The following MIIP variants were observed in gnomAD, a reference collection of about 807,000 sequenced individuals.
The protein encoded by MIIP is migration and invasion-inhibitory protein.
Under a neutral mutation model 44.8 loss-of-function variants are expected in MIIP, and 44 were observed. The observed-to-expected ratio is 0.98, with a 90% CI of 0.77 to 1.26. The LOEUF is 1.26. MIIP is among the 50% of genes most tolerant of loss of function. The pLI is 0.00. For synonymous variants in MIIP, 225 were observed against 218.3 expected, an observed-to-expected ratio of 1.03 and a Z score of -0.27; for missense variants, 496 against 511.7, an observed-to-expected ratio of 0.97 and a Z score of 0.30.
Position 12,022,868 on chromosome 1 carries a change from TA to T in MIIP, c.500del (p.Lys167ArgfsTer117). On this transcript the variant is annotated frameshift_variant, in exon 4 of 10. Transcript: ENST00000235332. LOFTEE classifies it high-confidence loss of function. ...CCTTCTCTGAGGAGTCTGCAGTTCC[TA>T]AGAGGAGCTGGCGCCTCAGGCCATA... ...VTFSEESAVPKRSWRLRPYLG... is the reference protein window; with the variant it reads ...VTFSEESAVPXRSWRLRPYLG... 6.2e-7 allele frequency: 1 copy of T among 1,610,038 alleles called. No homozygotes were observed. The highest frequency in any genetic ancestry group is 8.5e-7 in the Non-Finnish European group (1 of 1,177,952).
intron 4 of MIIP, among the ~76,000 whole-genome samples, chr1:12,026,615 C>G (rs918698149): frequency 1.3e-5 from 2 of 152,208 alleles, no homozygotes; most frequent in South Asian, 2.1e-4. Flanking sequence ...CTCATCCTGC[C>G]CCTTAGCATG....
intron 6 of MIIP, 91 bp from the exon 7 acceptor site, chr1:12,029,674 T>A: frequency 6.6e-7 from 1 of 1,515,578 alleles, no homozygotes; most frequent in Non-Finnish European, 8.9e-7. Flanking sequence ...ATTGGCAGCT[T>A]GTGTGGTTGG....
intron 1 of MIIP, 56 bp downstream of exon 1, chr1:12,019,608 A>C (rs1639926359): frequency 6.6e-6 from 1 of 152,338 alleles, no homozygotes; most frequent in Non-Finnish European, 1.5e-5. Context: ...AGGAGGCCCC[A>C]CGTGCATTCC....
chr1:12,028,869 T>C, intron 4 of MIIP, 164 bp from the exon 5 acceptor site: 1 of 612,372 alleles, frequency 1.6e-6, no homozygotes, highest in Non-Finnish European at 2.9e-6. Flanking sequence ...CAACCAACAG[T>C]CCCAGTGACT....
In MIIP at chr1:12,024,349, A is replaced by G. The variant is rs576794300; in HGVS notation, c.547+1432A>G. Among the ~76,000 whole-genome samples the G allele has an allele frequency of 1.8e-4, 28 of 152,274 alleles. 1 individual carries two copies. The highest frequency in any genetic ancestry group is 6.3e-4 in the African/African-American group (26 of 41,542). On this transcript the variant is annotated intron_variant, in intron 4 of 9. Transcript: ENST00000235332. ...CTTCTGGCTGGTTTCCCCCTGGCCTATGTCCCATTGCTGTCCTTTGCATGT... is the reference window on the plus strand; with the variant it reads ...CTTCTGGCTGGTTTCCCCCTGGCCTGTGTCCCATTGCTGTCCTTTGCATGT...
chr1:12,022,329 C>T lies in MIIP; in HGVS notation c.349C>T (p.Leu117=). The T allele has an allele frequency of 6.2e-7, 1 of 1,613,904 alleles. No individual in the cohort carries two copies. Among genetic ancestry groups the T allele is most frequent in the Non-Finnish European group, 8.5e-7 (1 of 1,180,018 alleles). ...ACCGAGACCCCACTCAGCACCCTCG[C>T]TGGGCACCTCAAGCCTGAGGGACCC... The part of the protein sequence containing the change: ...GRPRPHSAPS[L]GTSSLRDPEP... Residue 117 remains leucine (L), a synonymous_variant, in exon 3 of 10, where the codon CTG becomes TTG. Transcript: ENST00000235332.
chr1:12,023,275 G>A (rs1485235763), intron 4 of MIIP, among the ~76,000 whole-genome samples: 2 of 151,228 alleles, frequency 1.3e-5, no homozygotes, highest in Non-Finnish European at 2.9e-5. Context: ...TATTGGCCAG[G>A]CTGGTCTCAA....
Position 12,029,218 on chromosome 1 carries a change from C to T in MIIP, c.657-5C>T. On this transcript the variant is annotated splice_polypyrimidine_tract_variant and splice_region_variant and intron_variant, in intron 5 of 9. Transcript: ENST00000235332. ...CCGGCCTGCTCATCCCCCTCGCCCT[C>T]TCAGACCCCAGTTGCCAGGCCTGCG... is the stretch of plus-strand genomic sequence containing the variant. 2 of 1,613,708 alleles carry T rather than the reference C, an allele frequency of 1.2e-6. No homozygotes were observed. Among genetic ancestry groups the T allele is most frequent in the Non-Finnish European group, 1.7e-6 (2 of 1,179,870 alleles).
intron 4 of MIIP, chr1:12,024,098 C>G (rs1200870442): frequency 6.6e-6 from 1 of 152,108 alleles, no homozygotes; most frequent in African/African-American, 2.4e-5. Context: ...TATACAATTG[C>G]GATAACTCAC....
At chr1:12,030,350 C>T (rs1640212579) in intron 8 of MIIP, among the ~76,000 whole-genome samples, 1 of 152,076 alleles carries the variant, frequency 6.6e-6, no homozygotes, top group Non-Finnish European at 1.5e-5. Context: ...TGCAGGCTGG[C>T]ATGACATGAA....
In MIIP at chr1:12,031,412, CAGATCGCATCCT is replaced by C; in HGVS notation, c.1080+12_1080+23del. The C allele has an allele frequency of 6.2e-7, 1 of 1,610,692 alleles. No homozygotes were observed. The highest frequency in any genetic ancestry group is 8.5e-7 in the Non-Finnish European group (1 of 1,178,046). The stretch of plus-strand genomic sequence containing the variant: ...GCAGCCCTTTTCACCCGGTACGGTC[CAGATCGCATCCT>C]AGCCTGGGGTGCCCCCTAGAGGGAC... On this transcript the variant is annotated intron_variant, in intron 9 of 9. Coordinates refer to ENST00000235332, the MANE Select transcript of MIIP (RefSeq NM_021933.4).
intron 1 of MIIP, 96 bp from the exon 2 acceptor site, chr1:12,021,549 C>G (rs2100893656): frequency 1.7e-6 from 1 of 592,298 alleles, no homozygotes; most frequent in South Asian, 2.0e-5. Context: ...AGTTAAATAA[C>G]TTGCCTGAGG....
Position 12,031,916 on chromosome 1 carries a change from G to GCCCA in MIIP, c.*108_*109insCCCA. On this transcript the variant is annotated 3_prime_UTR_variant, in exon 10 of 10. Coordinates refer to ENST00000235332, the MANE Select transcript of MIIP (RefSeq NM_021933.4). Reference sequence around the variant, plus strand: ...CTGCCCGCCCAGCTCAGGCCCAGCTGTCCTAGGTTGGGCAGGTGGGTGGAC... The same window carrying GCCCA: ...CTGCCCGCCCAGCTCAGGCCCAGCTGCCCATCCTAGGTTGGGCAGGTGGGTGGAC... 8.6e-7 allele frequency: 1 copy of GCCCA among 1,163,690 alleles called. No homozygotes were observed. The highest frequency in any genetic ancestry group is 1.2e-6 in the Non-Finnish European group (1 of 814,534). The allele number at this position is 1,163,690 out of a possible 1,614,324, so 72.1% of individuals were successfully genotyped here. A position where few individuals can be genotyped will look rare whatever the true frequency, so the allele number is the denominator to read the frequency against.
chr1:12,029,621 G>A lies in MIIP; in HGVS notation c.716-144G>A, dbSNP rs561621947. 129 of 1,201,626 alleles carry A rather than the reference G, an allele frequency of 1.1e-4. No homozygotes were observed. The South Asian group carries it at 1.9e-3, about 18-fold the overall frequency. The allele number at this position is 1,201,626 out of a possible 1,614,324, so 74.4% of individuals were successfully genotyped here. ...GGGCGTGGGCCCCAGGTTCTGGGAG[G>A]AAAGGGGTTAGGAGGAAATGGGCCG... On this transcript the variant is annotated intron_variant, in intron 6 of 9. Transcript: ENST00000235332.
chr1:12,022,817 G>A lies in MIIP; in HGVS notation c.463-16G>A. 4.4e-6 allele frequency: 7 copies of A among 1,592,028 alleles called. No homozygotes were observed. The highest frequency in any genetic ancestry group is 2.3e-5 in the South Asian group (2 of 88,236). On this transcript the variant is annotated splice_polypyrimidine_tract_variant and intron_variant, in intron 3 of 9. Transcript: ENST00000235332. ...CTCTTGGCTTAGTCCTTGTCCCTCT[G>A]TGCTTCCTTCCTCAGCCCAGGGTGA... is the stretch of plus-strand genomic sequence containing the variant.
Position 12,031,298 on chromosome 1 carries a change from G to C in MIIP, c.975G>C (p.Pro325=), listed in dbSNP as rs765449595. ...TGCTGGGCTGGGACATTTTTCCTCC[G>C]AAGTCTGAGAAAAGCTCAGCCCCCA... ...HCLLGWDIFP[P]KSEKSSAPRN... is the part of the protein sequence containing the mutation. The change falls in exon 9 of 10, where the codon CCG becomes CCC. Residue 325 remains proline (P), a synonymous_variant. Coordinates refer to ENST00000235332, the MANE Select transcript of MIIP (RefSeq NM_021933.4). 6.2e-7 allele frequency: 1 copy of C among 1,613,876 alleles called. No homozygotes were observed. The highest frequency in any genetic ancestry group is 8.5e-7 in the Non-Finnish European group (1 of 1,179,880).
intron 4 of MIIP, 141 bp downstream of exon 4, chr1:12,023,058 T>C (rs1220476458): frequency 6.6e-6 from 3 of 452,792 alleles, no homozygotes; most frequent in Non-Finnish European, 1.2e-5. Context: ...GGGAGCACCC[T>C]CTTTTTTTTT....
intron 8 of MIIP, 151 bp downstream of exon 8, chr1:12,030,275 C>T: frequency 1.4e-6 from 1 of 715,838 alleles, no homozygotes; most frequent in Non-Finnish European, 2.4e-6. Flanking sequence ...CCATCACCCA[C>T]ACCTGTACCT....
intron 2 of MIIP, 120 bp downstream of exon 2, chr1:12,021,960 C>A: frequency 8.0e-7 from 1 of 1,247,342 alleles, no homozygotes; most frequent in Non-Finnish European, 1.1e-6. Flanking sequence ...ACATTGAGGG[C>A]TGGGGAGGGA....
Sources: gnomAD v4.1 joint callset for allele counts (sites outside exome capture counted in the v4.1 genomes callset) on GRCh38, gnomAD v4.1.1 for gene constraint, MANE v1.5 for transcripts, NCBI Gene and HGNC (gene_info 2026-07-23, HGNC 2026-07-21) for gene names.